CAMTA1: variants seen among roughly 807,000 people sequenced by gnomAD.
The protein encoded by CAMTA1 is calmodulin binding transcription activator 1.
A neutral mutation model predicts 170.9 loss-of-function variants in CAMTA1; 27 were observed. That is an observed-to-expected ratio of 0.16 (90% CI 0.12 to 0.22). CAMTA1 has a LOEUF of 0.22. Among genes scored for constraint, CAMTA1 ranks in the 10% least tolerant of loss-of-function variants. CAMTA1 has a pLI of 1.00. For synonymous variants in CAMTA1, 833 were observed against 891.5 expected (o/e 0.93, Z 1.17); for missense variants, 1,619 against 2,217.2 (o/e 0.73, Z 5.42).
intron 3 of CAMTA1, among the ~76,000 whole-genome samples, chr1:6,867,578 G>T (rs547307913): frequency 1.3e-5 from 2 of 152,282 alleles, no homozygotes; most frequent in South Asian, 4.2e-4. Context: ...GCCAAAGGCT[G>T]CGCTTTTCTT....
chr1:6,842,654 C>G (rs1656321349), intron 3 of CAMTA1, among the ~76,000 whole-genome samples: 1 of 152,218 alleles, frequency 6.6e-6, no homozygotes, highest in Non-Finnish European at 1.5e-5. Context: ...GGCGTGGCGG[C>G]TCATACCTGT....
intron 6 of CAMTA1, among the ~76,000 whole-genome samples, chr1:7,546,685 T>G (rs1285050327): frequency 6.6e-6 from 1 of 152,364 alleles, no homozygotes; most frequent in Non-Finnish European, 1.5e-5. Context: ...AACTTTTTAA[T>G]GATCACCATT....
intron 3 of CAMTA1, among the ~76,000 whole-genome samples, chr1:6,939,669 C>T (rs1453006416): frequency 1.3e-5 from 2 of 149,940 alleles, no homozygotes; most frequent in African/African-American, 4.9e-5. Flanking sequence ...CCTATTTATT[C>T]CCTGGGGCAG....
intron 6 of CAMTA1, among the ~76,000 whole-genome samples, chr1:7,522,524 A>T (rs2094379140): frequency 6.6e-6 from 1 of 152,202 alleles, no homozygotes; most frequent in Non-Finnish European, 1.5e-5. Flanking sequence ...AGCATTTTCC[A>T]TTTATGGACC....
intron 6 of CAMTA1, among the ~76,000 whole-genome samples, chr1:7,605,004 G>T (rs1445647297): frequency 6.6e-6 from 1 of 152,148 alleles, no homozygotes. Context: ...GGATATTGGT[G>T]AACAGCAAAT....
chr1:7,445,069 G>T (rs754487955), intron 5 of CAMTA1, among the ~76,000 whole-genome samples: 1 of 151,656 alleles, frequency 6.6e-6, no homozygotes, highest in Non-Finnish European at 1.5e-5. Context: ...ATGGGGTGGG[G>T]GTTACCTCTG....
chr1:6,912,132 A>G (rs139269166), intron 3 of CAMTA1, among the ~76,000 whole-genome samples: 132 of 152,346 alleles, frequency 8.7e-4, no homozygotes, highest in African/African-American at 2.9e-3. Context: ...CTTAAGGAAC[A>G]TAAGACAGAC....
At chr1:6,832,172 C>T (rs1650553993) in intron 3 of CAMTA1, among the ~76,000 whole-genome samples, 1 of 151,940 alleles carries the variant, frequency 6.6e-6, no homozygotes, top group Admixed American at 6.6e-5. Flanking sequence ...CAACCTCCAC[C>T]TCCTGGGCTG....
At chr1:7,321,131 C>A (rs138192642) in intron 5 of CAMTA1, among the ~76,000 whole-genome samples, 141 of 152,344 alleles carry the variant, frequency 9.3e-4, no homozygotes, top group Non-Finnish European at 1.7e-3. Flanking sequence ...CTTTTTCCAA[C>A]AAGTTGCAGG....
chr1:7,363,050 G>A (rs1557591440), intron 5 of CAMTA1, among the ~76,000 whole-genome samples: 1 of 152,228 alleles, frequency 6.6e-6, no homozygotes. Flanking sequence ...GAGGTGCTCT[G>A]TAGAAGAAGA....
intron 6 of CAMTA1, among the ~76,000 whole-genome samples, chr1:7,507,229 C>T (rs1485051257): frequency 6.6e-6 from 1 of 151,164 alleles, no homozygotes; most frequent in Non-Finnish European, 1.5e-5. Context: ...CACACTTGCT[C>T]ACACAAAACT....
intron 5 of CAMTA1, among the ~76,000 whole-genome samples, chr1:7,450,282 C>T (rs560364592): frequency 1.3e-5 from 2 of 152,330 alleles, no homozygotes; most frequent in South Asian, 2.1e-4. Flanking sequence ...CATCAGCCAG[C>T]CAGTGAAGAC....
Position 7,624,167 on chromosome 1 carries a change from G to A in CAMTA1, c.511-16233G>A, listed in dbSNP as rs1042666708. ...TAAGACCTAAAAACAAACAGGGAGCGAGTGCTGTGGGTCTCCCCGCTAAGG... is the reference window on the plus strand; with the variant it reads ...TAAGACCTAAAAACAAACAGGGAGCAAGTGCTGTGGGTCTCCCCGCTAAGG... On this transcript the variant is annotated intron_variant, in intron 6 of 22. Transcript: ENST00000303635. 2.0e-4 allele frequency among the ~76,000 whole-genome samples: 31 copies of A among 152,242 alleles called. 1 individual carries two copies. The highest frequency in any genetic ancestry group is 4.1e-4 in the South Asian group (2 of 4,828).
intron 5 of CAMTA1, among the ~76,000 whole-genome samples, chr1:7,416,237 C>G (rs577067513): frequency 2.5e-4 from 38 of 152,182 alleles, no homozygotes; most frequent in Admixed American, 3.3e-4. Context: ...AATTATGTGT[C>G]TTGGAGTTGC....
At chr1:7,703,499 CCTT>C (rs779026077) in intron 11 of CAMTA1, among the ~76,000 whole-genome samples, 1 of 152,124 alleles carries the variant, frequency 6.6e-6, no homozygotes, top group Non-Finnish European at 1.5e-5. Flanking sequence ...GTCAGGGTGT[CCTT>C]CACGCGGCCT....
chr1:7,391,469 T>TA (rs1277438242), intron 5 of CAMTA1, among the ~76,000 whole-genome samples: 2 of 152,144 alleles, frequency 1.3e-5, no homozygotes, highest in African/African-American at 4.8e-5. Flanking sequence ...GTCATATGGC[T>TA]AAGGGGCGCT....
chr1:7,314,743 C>A (rs573745633), intron 5 of CAMTA1, among the ~76,000 whole-genome samples: 2 of 152,168 alleles, frequency 1.3e-5, no homozygotes, highest in African/African-American at 4.8e-5. Context: ...AAATCTTTCA[C>A]ATTTCTGACA....
Position 7,164,784 on chromosome 1 carries a change from CCTGT to C in CAMTA1, c.302+73416_302+73419del, listed in dbSNP as rs1397904233. On this transcript the variant is annotated intron_variant, in intron 4 of 22. Transcript: ENST00000303635. Reference sequence around the variant, plus strand: ...TGATTAATCGAACTAAGAGAAGAGCCCTGTCTAATTGTGTGTGGGTGTGTTTGGG... The same window carrying C: ...TGATTAATCGAACTAAGAGAAGAGCCCTAATTGTGTGTGGGTGTGTTTGGG... Among the ~76,000 whole-genome samples, 7 of 152,184 alleles carry C rather than the reference CCTGT, an allele frequency of 4.6e-5. No individual in the cohort carries two copies. In the East Asian group the frequency reaches 1.3e-3, roughly 29 times the overall value.
intron 11 of CAMTA1, among the ~76,000 whole-genome samples, chr1:7,714,318 T>C (rs1328567681): frequency 6.6e-6 from 1 of 152,198 alleles, no homozygotes; most frequent in African/African-American, 2.4e-5. Flanking sequence ...GATTTAGAAA[T>C]CAGCATGTAT....
Sources: gnomAD v4.1 joint callset for allele counts (sites outside exome capture counted in the v4.1 genomes callset) on GRCh38, gnomAD v4.1.1 for gene constraint, MANE v1.5 for transcripts, NCBI Gene and HGNC (gene_info 2026-07-23, HGNC 2026-07-21) for gene names.